Variants in EXT1 observed in about 807,000 individuals in gnomAD.
The protein encoded by EXT1 is exostosin-1.
Under a neutral mutation model 82.5 loss-of-function variants are expected in EXT1, and 20 were observed. That is an observed-to-expected ratio of 0.24 (90% confidence interval 0.17 to 0.35). The LOEUF (loss-of-function observed/expected upper bound fraction) is 0.35. Among genes scored for constraint, EXT1 ranks in the 10% least tolerant of loss-of-function variants. The pLI is 1.00. For synonymous variants in EXT1, 348 were observed against 350.8 expected (o/e 0.99, Z 0.09); for missense variants, 757 against 936.5 (o/e 0.81, Z 2.50).
chr8:117,801,546 C>T (rs189844581), intron 10 of EXT1, among the ~76,000 whole-genome samples: 51 of 152,046 alleles, frequency 3.4e-4, no homozygotes, highest in Admixed American at 9.8e-4. Context: ...CACTCTGTCA[C>T]GCAGGCTGGA....
At chr8:117,832,054 A>G (rs1048033653) in intron 3 of EXT1, among the ~76,000 whole-genome samples, 9 of 152,340 alleles carry the variant, frequency 5.9e-5, no homozygotes, top group Admixed American at 3.3e-4. Flanking sequence ...AGTGCAAGGA[A>G]ACTTATTTTT....
At chr8:117,857,141 T>C (rs1256089081) in intron 1 of EXT1, among the ~76,000 whole-genome samples, 2 of 152,196 alleles carry the variant, frequency 1.3e-5, no homozygotes, top group African/African-American at 2.4e-5. Flanking sequence ...AAATTTCTTT[T>C]AAAATATTGC....
intron 1 of EXT1, among the ~76,000 whole-genome samples, chr8:117,960,949 G>A (rs1019090113): frequency 2.0e-5 from 3 of 152,106 alleles, no homozygotes; most frequent in African/African-American, 7.2e-5. Context: ...ACTTATCCTG[G>A]TGATTCTAGT....
At chr8:117,923,677 G>C (rs1046401192) in intron 1 of EXT1, among the ~76,000 whole-genome samples, 2 of 150,996 alleles carry the variant, frequency 1.3e-5, no homozygotes, top group African/African-American at 2.4e-5. Context: ...AGTAAGCCGA[G>C]ATCGTGCCAC....
At chr8:117,822,854 T>C (rs1264949358) in intron 4 of EXT1, among the ~76,000 whole-genome samples, 1 of 152,196 alleles carries the variant, frequency 6.6e-6, no homozygotes, top group Non-Finnish European at 1.5e-5. Context: ...TTCTATCTTG[T>C]CTTTGTATAA....
At chr8:118,006,532 T>C (rs1815778622) in intron 1 of EXT1, among the ~76,000 whole-genome samples, 1 of 152,104 alleles carries the variant, frequency 6.6e-6, no homozygotes. Context: ...TAGGAATGCC[T>C]TGAAGGTCAA....
In EXT1 at chr8:117,875,410, AACT is replaced by A. The variant is rs1046421122; in HGVS notation, c.963-38212_963-38210del. Among the ~76,000 whole-genome samples, 22 of 147,908 alleles carry A rather than the reference AACT, an allele frequency of 1.5e-4. 1 individual carries two copies. The Middle Eastern group carries it at 0.011, about 71-fold the overall frequency. ...CACTCCAGCCTGGGTGATAGAGTGAAACTACCTCTCTAAATAAATAAATAAATA... is the reference window on the plus strand; with the variant it reads ...CACTCCAGCCTGGGTGATAGAGTGAAACCTCTCTAAATAAATAAATAAATA... On this transcript the variant is annotated intron_variant, in intron 1 of 10. Transcript: ENST00000378204.
chr8:117,963,593 C>A (rs977335665), intron 1 of EXT1, among the ~76,000 whole-genome samples: 6 of 152,094 alleles, frequency 3.9e-5, no homozygotes, highest in Non-Finnish European at 7.4e-5. Flanking sequence ...CGGGTTCAAG[C>A]GATTCTCTTG....
chr8:118,035,644 T>G (rs1028467764), intron 1 of EXT1, among the ~76,000 whole-genome samples: 1 of 151,824 alleles, frequency 6.6e-6, no homozygotes, highest in Non-Finnish European at 1.5e-5. Context: ...ACTGCAAAAC[T>G]CATAATAGTC....
At chr8:117,952,424 G>A (rs1236399615) in intron 1 of EXT1, among the ~76,000 whole-genome samples, 3 of 152,222 alleles carry the variant, frequency 2.0e-5, no homozygotes, top group African/African-American at 4.8e-5. Context: ...GAGAATGACA[G>A]TCATTTAAGG....
chr8:117,946,747 C>T (rs1052705824), intron 1 of EXT1, among the ~76,000 whole-genome samples: 6 of 152,206 alleles, frequency 3.9e-5, no homozygotes, highest in Admixed American at 2.0e-4. Flanking sequence ...TTCTCCTGTT[C>T]CCACGTGAAC....
chr8:117,964,406 C>A (rs1814763335), intron 1 of EXT1, among the ~76,000 whole-genome samples: 1 of 152,174 alleles, frequency 6.6e-6, no homozygotes, highest in Admixed American at 6.6e-5. Flanking sequence ...TTGGTGGTAG[C>A]AGTGAAGGAG....
chr8:118,091,722 G>A (rs1817528023), intron 1 of EXT1, among the ~76,000 whole-genome samples: 1 of 152,088 alleles, frequency 6.6e-6, no homozygotes, highest in Non-Finnish European at 1.5e-5. Context: ...TCCAGCCTGG[G>A]CGACAGAGCG....
chr8:118,062,986 G>A (rs1304268967), intron 1 of EXT1, among the ~76,000 whole-genome samples: 1 of 152,076 alleles, frequency 6.6e-6, no homozygotes, highest in Non-Finnish European at 1.5e-5. Context: ...AACATTAAGG[G>A]TGCAAATCTG....
Position 118,080,868 on chromosome 8 carries a change from T to G in EXT1, c.962+29217A>C, listed in dbSNP as rs541454658. On this transcript the variant is annotated intron_variant, in intron 1 of 10. Transcript: ENST00000378204. ...CATAAAATGTGGTTCCCATTCTGGTTTCTTCACTAATTAACACATCATCTC... is the reference window on the plus strand; with the variant it reads ...CATAAAATGTGGTTCCCATTCTGGTGTCTTCACTAATTAACACATCATCTC... Among the ~76,000 whole-genome samples, 129 of 152,272 alleles carry G rather than the reference T, an allele frequency of 8.5e-4. 1 individual carries two copies. The highest frequency in any genetic ancestry group is 3.0e-3 in the African/African-American group (125 of 41,548).
At chr8:118,076,342 C>T (rs1334334811) in intron 1 of EXT1, among the ~76,000 whole-genome samples, 2 of 152,224 alleles carry the variant, frequency 1.3e-5, no homozygotes, top group African/African-American at 2.4e-5. Flanking sequence ...TTTGTACTTT[C>T]ATTCTAGAGA....
At chr8:117,982,148 T>C (rs1815219861) in intron 1 of EXT1, among the ~76,000 whole-genome samples, 1 of 152,180 alleles carries the variant, frequency 6.6e-6, no homozygotes, top group Admixed American at 6.5e-5. Flanking sequence ...CTCTGCTCAG[T>C]GTCTCACAAG....
At chr8:117,874,289 G>A (rs1476701241) in intron 1 of EXT1, among the ~76,000 whole-genome samples, 1 of 151,884 alleles carries the variant, frequency 6.6e-6, no homozygotes, top group East Asian at 1.9e-4. Context: ...CTTTTTAAAG[G>A]GAACAATCCT....
At chr8:117,892,435 C>T (rs1813260388) in intron 1 of EXT1, among the ~76,000 whole-genome samples, 1 of 152,196 alleles carries the variant, frequency 6.6e-6, no homozygotes, top group South Asian at 2.1e-4. Context: ...GCTGCTGCTG[C>T]TGCTGTTTGG....
Sources: allele counts gnomAD v4.1 joint callset (sites outside exome capture counted in the v4.1 genomes callset), GRCh38; gene constraint gnomAD v4.1.1; transcripts MANE v1.5; gene names NCBI Gene and HGNC (gene_info 2026-07-23, HGNC 2026-07-21).